CNNM2: variants seen among roughly 807,000 people sequenced by gnomAD.
CNNM2 encodes cyclin and CBS domain divalent metal cation transport mediator 2.
In CNNM2, 12 loss-of-function variants were observed where a neutral mutation model predicts 66.9. The ratio of observed to expected loss-of-function variants is 0.18; its 90% CI spans 0.11 to 0.29. CNNM2 has a LOEUF of 0.29. CNNM2 is among the 10% of genes least tolerant of loss of function. The pLI is 1.00. For synonymous variants in CNNM2, 557 were observed against 501.8 expected, an observed-to-expected ratio of 1.11 and a Z score of -1.47; for missense variants, 705 against 1,167.7, an observed-to-expected ratio of 0.60 and a Z score of 5.77.
chr10:102,999,868 C>CA (rs1435181878), intron 1 of CNNM2, among the ~76,000 whole-genome samples: 2 of 152,002 alleles, frequency 1.3e-5, no homozygotes, highest in African/African-American at 2.4e-5. Context: ...TGACTACTGT[C>CA]AAAAAAACAG....
At position 103,087,140 on chromosome 10, in the gene CNNM2, ATTTTTTTTTTTTTTTTTTT is replaced by A. The variant is rs71019655; in HGVS notation, c.*9974_*9992del. On this transcript the variant is annotated 3_prime_UTR_variant, in exon 8 of 8. Coordinates refer to ENST00000369878, the MANE Select transcript of CNNM2 (RefSeq NM_017649.5). ...TTCTCACGGTATAAAACTCCGCAGG[ATTTTTTTTTTTTTTTTTTT>A]TTTTTTTTTTTTTAAGGAAAAAAGT... 2.7e-5 allele frequency: 2 copies of A among 75,374 alleles called. No homozygotes were observed. Among genetic ancestry groups the A allele is most frequent in the Non-Finnish European group, 4.7e-5 (2 of 42,740 alleles). 4.7% of individuals were successfully genotyped at this position (75,374 alleles called of 1,614,324 possible).
In CNNM2 at chr10:103,089,602, G is replaced by C; in HGVS notation, c.*12422G>C. The C allele has an allele frequency of 5.4e-6, 8 of 1,481,322 alleles. No individual in the cohort carries two copies. The highest frequency in any genetic ancestry group is 7.2e-6 in the Non-Finnish European group (8 of 1,115,234). The allele number at this position is 1,481,322 out of a possible 1,614,324, so 91.8% of individuals were successfully genotyped here. On this transcript the variant is annotated 3_prime_UTR_variant, in exon 8 of 8. Coordinates refer to ENST00000369878, the MANE Select transcript of CNNM2 (RefSeq NM_017649.5). ...CCTCCCCCGAGTAGAACCCTAACAG[G>C]GACCTCGTTTGTTCCTGTGAGTCCT...
At chr10:102,940,658 TC>T (rs1266742646) in intron 1 of CNNM2, among the ~76,000 whole-genome samples, 1 of 151,706 alleles carries the variant, frequency 6.6e-6, no homozygotes, top group African/African-American at 2.4e-5. Context: ...GACCTCGTGA[TC>T]CGCCCTCCTT....
chr10:102,963,644 CT>C (rs71019640), intron 1 of CNNM2, among the ~76,000 whole-genome samples: 13 of 151,574 alleles, frequency 8.6e-5, no homozygotes, highest in East Asian at 1.9e-4. Flanking sequence ...ATTTTTCTTT[CT>C]TTTTTTTTAT....
At chr10:103,042,349 C>G (rs1431891291) in intron 1 of CNNM2, among the ~76,000 whole-genome samples, 1 of 152,228 alleles carries the variant, frequency 6.6e-6, no homozygotes, top group African/African-American at 2.4e-5. Flanking sequence ...TTTCCCAGGG[C>G]TATTCTCCTC....
intron 1 of CNNM2, among the ~76,000 whole-genome samples, chr10:103,031,293 G>A (rs2064814853): frequency 6.6e-6 from 1 of 152,122 alleles, no homozygotes; most frequent in Non-Finnish European, 1.5e-5. Flanking sequence ...TTACTCTTGT[G>A]TGTGGCAATG....
In CNNM2 at chr10:102,918,997, A is replaced by G. The variant is rs975290107; in HGVS notation, c.517A>G (p.Ile173Val). 2 of 1,612,716 alleles carry G rather than the reference A, an allele frequency of 1.2e-6. No homozygotes were observed. Among genetic ancestry groups the G allele is most frequent in the Non-Finnish European group, 1.7e-6 (2 of 1,179,518 alleles). ...TCTCAACCGCCGCACCTCGGGCATC[A>G]TCGAGATCGAGATCAAACCGCTACG... Reference protein sequence around the residue: ...IILNRRTSGIIEIEIKPLRKM... With the variant: ...IILNRRTSGIVEIEIKPLRKM... The change falls in exon 1 of 8, where the codon ATC becomes GTC. Residue 173 changes from isoleucine to valine, a missense_variant. Ile to Val is a conservative substitution (Grantham distance 29). This residue lies in a region of CNNM2 where 100 missense variants were observed against 151.9 expected (regional missense o/e 0.66). Coordinates refer to ENST00000369878, the MANE Select transcript of CNNM2 (RefSeq NM_017649.5). This position sits in a 1 kb window ranked among gnomAD's most constrained non-coding sequence, Gnocchi z 4.1.
chr10:102,979,855 T>C (rs1261605615), intron 1 of CNNM2, among the ~76,000 whole-genome samples: 2 of 152,106 alleles, frequency 1.3e-5, no homozygotes, highest in African/African-American at 2.4e-5. Flanking sequence ...ACTCCTTATC[T>C]CATTCTAATT....
chr10:102,959,919 G>T (rs1847181413), intron 1 of CNNM2, among the ~76,000 whole-genome samples: 1 of 152,012 alleles, frequency 6.6e-6, no homozygotes, highest in South Asian at 2.1e-4. Flanking sequence ...GGGCATGGTG[G>T]CAGGCACCTG....
At position 102,974,369 on chromosome 10, in the gene CNNM2, A is replaced by G. The variant is rs114594486; in HGVS notation, c.1621+54268A>G. ...AGATGAAGTTTGACTGGACGAATGT[A>G]GATCCTATTTTGACCATAAAGCTAG... On this transcript the variant is annotated intron_variant, in intron 1 of 7. Transcript: ENST00000369878. Among the ~76,000 whole-genome samples the G allele has an allele frequency of 1.5e-3, 235 of 152,360 alleles. 1 individual carries two copies. Among genetic ancestry groups the G allele is most frequent in the Middle Eastern group, 0.01 (3 of 294 alleles).
chr10:103,025,560 A>G (rs2064685580), intron 1 of CNNM2, among the ~76,000 whole-genome samples: 1 of 152,240 alleles, frequency 6.6e-6, no homozygotes, highest in Non-Finnish European at 1.5e-5. Flanking sequence ...AGGCATTGGA[A>G]GATGGTGTTG....
chr10:103,077,186 G>A lies in CNNM2; in HGVS notation c.*6G>A, dbSNP rs188919681. The A allele has an allele frequency of 5.0e-6, 8 of 1,610,842 alleles. No individual in the cohort carries two copies. Among genetic ancestry groups the A allele is most frequent in the African/African-American group, 2.7e-5 (2 of 75,018 alleles). ...ACAACGAAGGCGCCATCTAGGCCGCGCTGGCTGCACCCGCCCAGGCCCGCA... is the reference window on the plus strand; with the variant it reads ...ACAACGAAGGCGCCATCTAGGCCGCACTGGCTGCACCCGCCCAGGCCCGCA... On this transcript the variant is annotated 3_prime_UTR_variant, in exon 8 of 8. Transcript: ENST00000369878.
At chr10:103,017,690 G>A (rs894360757) in intron 1 of CNNM2, among the ~76,000 whole-genome samples, 1 of 152,112 alleles carries the variant, frequency 6.6e-6, no homozygotes, top group African/African-American at 2.4e-5. Flanking sequence ...GCCAGGCTGG[G>A]CACAGTGACT....
At chr10:102,977,043 A>G (rs1427729070) in intron 1 of CNNM2, among the ~76,000 whole-genome samples, 1 of 152,130 alleles carries the variant, frequency 6.6e-6, no homozygotes, top group Admixed American at 6.5e-5. Flanking sequence ...AGGGAGGCTC[A>G]CAGTATTATT....
At chr10:102,976,649 G>GTTTTTTTTTTTTTTTTTTTTTTT (rs2063639105) in intron 1 of CNNM2, among the ~76,000 whole-genome samples, 1 of 40,952 alleles carries the variant, frequency 2.4e-5, no homozygotes, top group Non-Finnish European at 5.0e-5. Flanking sequence ...TGTATTTTTA[G>GTTTTTTTTTTTTTTTTTTTTTTT]TAGAGACAGG....
At position 103,082,515 on chromosome 10, in the gene CNNM2, C is replaced by A. The variant is rs978535624; in HGVS notation, c.*5335C>A. On this transcript the variant is annotated 3_prime_UTR_variant, in exon 8 of 8. Transcript: ENST00000369878. ...TTTTTCTTGTTTGAGTCCTTTAAAC[C>A]CACAAATGTATATGCTTTATTTTAT... 1.3e-5 allele frequency: 2 copies of A among 152,142 alleles called. No homozygotes were observed. Among genetic ancestry groups the A allele is most frequent in the African/African-American group, 4.8e-5 (2 of 41,432 alleles). The allele number at this position is 152,142 out of a possible 1,614,324, so 9.4% of individuals were successfully genotyped here. A position where few individuals can be genotyped will look rare whatever the true frequency, so the allele number is the denominator to read the frequency against.
chr10:103,021,172 C>T (rs761289496), intron 1 of CNNM2, among the ~76,000 whole-genome samples: 12 of 152,018 alleles, frequency 7.9e-5, no homozygotes, highest in African/African-American at 1.7e-4. Flanking sequence ...AGTGAGCCCC[C>T]GTGATTGTCC....
chr10:102,923,252 G>C (rs1319869282), intron 1 of CNNM2, among the ~76,000 whole-genome samples: 1 of 152,026 alleles, frequency 6.6e-6, no homozygotes. Context: ...TAATTGTGCT[G>C]ATTTTACAGT....
At position 103,085,540 on chromosome 10, in the gene CNNM2, T is replaced by A. The variant is rs1163474782; in HGVS notation, c.*8360T>A. ...AAGGTTTATCTCAGGCCTTGTCTAC[T>A]CCCCTCGCCAGACATGGCTTTGGGA... On this transcript the variant is annotated 3_prime_UTR_variant, in exon 8 of 8. Transcript: ENST00000369878. The A allele has an allele frequency of 6.6e-6, 1 of 152,186 alleles. No individual in the cohort carries two copies. The highest frequency in any genetic ancestry group is 2.4e-5 in the African/African-American group (1 of 41,416). 9.4% of individuals were successfully genotyped at this position (152,186 alleles called of 1,614,324 possible). A position where few individuals can be genotyped will look rare whatever the true frequency, so the allele number is the denominator to read the frequency against.
Sources: allele counts gnomAD v4.1 joint callset (sites outside exome capture counted in the v4.1 genomes callset), GRCh38; gene constraint gnomAD v4.1.1; regional missense constraint gnomAD v4.1.1; non-coding constraint Gnocchi (gnomAD v3.1); transcripts MANE v1.5; gene names NCBI Gene and HGNC (gene_info 2026-07-23, HGNC 2026-07-21).